DTNB: variants seen among roughly 807,000 people sequenced by gnomAD.
The protein encoded by DTNB is DTN-B.
DTNB carries 63 observed loss-of-function variants against 90.7 expected under a neutral mutation model. The ratio of observed to expected loss-of-function variants is 0.69; its 90% CI spans 0.57 to 0.86. The LOEUF is 0.86. Ranked by LOEUF, DTNB falls within the 40% of genes least tolerant of loss-of-function variation. DTNB has a pLI of 0.00. For missense variants in DTNB, 744 were observed against 807.1 expected, an observed-to-expected ratio of 0.92 and a Z score of 0.95; for synonymous variants, 277 against 286.7, an observed-to-expected ratio of 0.97 and a Z score of 0.34.
chr2:25,388,339 T>C lies in DTNB; in HGVS notation c.1598A>G (p.His533Arg). 2 of 1,611,744 alleles carry C rather than the reference T, an allele frequency of 1.2e-6. No individual in the cohort carries two copies. Among genetic ancestry groups the C allele is most frequent in the Non-Finnish European group, 8.5e-7 (1 of 1,178,272 alleles). Residue 533 changes from histidine (H) to arginine (R), a missense_variant, in exon 17 of 21, where the codon CAT becomes CGT. Physicochemically the swap from His to Arg is conservative, Grantham distance 29 (BLOSUM62 0). Transcript: ENST00000406818. ...GCCGCCTCCATGGGTGGGCGATGTA[T>C]GTGGTGACCCTGTGGCCTGAGCCTG... is the stretch of plus-strand genomic sequence containing the variant. ...KQAAQATGSP[H>R]TSPTHGGGRP...
chr2:25,613,489 C>T lies in DTNB; in HGVS notation c.363-6168G>A, dbSNP rs1347370154. On this transcript the variant is annotated intron_variant, in intron 4 of 20. Coordinates refer to ENST00000406818, the MANE Select transcript of DTNB (RefSeq NM_021907.5). ...TTTAGCTCCCACTTATAAATGAGAA[C>T]ATGTCGGTATTTGGTTTTCTGTTCC... is the stretch of plus-strand genomic sequence containing the variant. Among the ~76,000 whole-genome samples, 3 of 152,216 alleles carry T rather than the reference C, an allele frequency of 2.0e-5. No homozygotes were observed. In the East Asian group the frequency reaches 5.8e-4, roughly 29 times the overall value.
chr2:25,565,184 G>A (rs2058832397), intron 8 of DTNB, among the ~76,000 whole-genome samples: 1 of 152,018 alleles, frequency 6.6e-6, no homozygotes, highest in South Asian at 2.1e-4. Context: ...TCTTTTTCCT[G>A]GTTTTAGGGG....
intron 9 of DTNB, among the ~76,000 whole-genome samples, chr2:25,498,047 C>T (rs978847472): frequency 6.6e-6 from 1 of 152,124 alleles, no homozygotes. Flanking sequence ...GCAGGCACTG[C>T]CCAGACAGCA....
At chr2:25,652,517 A>T in intron 2 of DTNB, 77 bp downstream of exon 2, 1 of 1,422,486 alleles carries the variant, frequency 7.0e-7, no homozygotes, top group Non-Finnish European at 9.5e-7. Context: ...AACTGATTAA[A>T]GCTATGACTT....
intron 15 of DTNB, 44 bp downstream of exon 15, chr2:25,427,491 G>C: frequency 6.3e-7 from 1 of 1,588,520 alleles, no homozygotes; most frequent in Non-Finnish European, 8.6e-7. Context: ...AGGCTGTGGT[G>C]GGAGAAGAAT....
At chr2:25,442,937 C>T (rs535782108) in intron 12 of DTNB, among the ~76,000 whole-genome samples, 34 of 152,238 alleles carry the variant, frequency 2.2e-4, no homozygotes, top group Non-Finnish European at 3.1e-4. Context: ...AGATGGCTCT[C>T]GAAATGGTAG....
chr2:25,471,026 ACAGCTCACTGTCT>A (rs1394582297), intron 10 of DTNB, among the ~76,000 whole-genome samples: 1 of 152,264 alleles, frequency 6.6e-6, no homozygotes, highest in Non-Finnish European at 1.5e-5. Flanking sequence ...CATCCTTCCA[ACAGCTCACTGTCT>A]CATAGGTTGT....
chr2:25,554,174 A>G (rs1461261682), intron 8 of DTNB, among the ~76,000 whole-genome samples: 7 of 152,232 alleles, frequency 4.6e-5, no homozygotes, highest in Non-Finnish European at 1.0e-4. Flanking sequence ...CCAAAGTTCA[A>G]GGCCAAGCTT....
chr2:25,626,731 C>T (rs988355908), intron 4 of DTNB, among the ~76,000 whole-genome samples: 46 of 152,176 alleles, frequency 3.0e-4, no homozygotes, highest in African/African-American at 1.1e-3. Flanking sequence ...CATAGTGTTA[C>T]CACTAATTCA....
At chr2:25,559,207 C>G (rs1041276635) in intron 8 of DTNB, among the ~76,000 whole-genome samples, 3 of 152,184 alleles carry the variant, frequency 2.0e-5, no homozygotes, top group Admixed American at 6.5e-5. Context: ...CAATCCTCAA[C>G]TCTCAAAACC....
intron 1 of DTNB, among the ~76,000 whole-genome samples, chr2:25,659,543 T>C (rs1034521774): frequency 4.6e-5 from 7 of 151,334 alleles, no homozygotes; most frequent in African/African-American, 1.7e-4. Flanking sequence ...AAATTATCAA[T>C]ATTACTAATG....
At chr2:25,648,388 C>T (rs766106176) in intron 2 of DTNB, among the ~76,000 whole-genome samples, 2 of 151,930 alleles carry the variant, frequency 1.3e-5, no homozygotes, top group Non-Finnish European at 2.9e-5. Flanking sequence ...GTGTTCATAA[C>T]AGAAAATGTA....
chr2:25,583,102 C>T (rs1261078487), intron 6 of DTNB, among the ~76,000 whole-genome samples: 1 of 151,874 alleles, frequency 6.6e-6, no homozygotes, highest in Non-Finnish European at 1.5e-5. Context: ...CAAAAATGAT[C>T]TGGGTGTGGT....
chr2:25,616,629 G>GGAAAAAAAAAAAAAA (rs2070616096), intron 4 of DTNB, among the ~76,000 whole-genome samples: 1 of 5,788 alleles, frequency 1.7e-4, no homozygotes, highest in African/African-American at 4.3e-4. Context: ...GCTATTTATA[G>GGAAAAAAAAAAAAAA]TAAAAAAAAA....
chr2:25,555,891 G>C (rs562743527), intron 8 of DTNB, among the ~76,000 whole-genome samples: 2 of 152,140 alleles, frequency 1.3e-5, no homozygotes, highest in African/African-American at 2.4e-5. Flanking sequence ...ATGGTGGCGT[G>C]TGCCTGTAAT....
intron 18 of DTNB, 70 bp from the exon 19 acceptor site, chr2:25,383,959 A>G (rs750294877): frequency 2.5e-6 from 4 of 1,611,612 alleles, no homozygotes; most frequent in Admixed American, 1.7e-5. Context: ...GGGTGAACAA[A>G]GCAACTGCTG....
chr2:25,508,909 C>T lies in DTNB; in HGVS notation c.1001+22564G>A, dbSNP rs144490282. Among the ~76,000 whole-genome samples, 442 of 152,268 alleles carry T rather than the reference C, an allele frequency of 2.9e-3. 4 individuals are homozygous for T. Among genetic ancestry groups the T allele is most frequent in the Middle Eastern group, 0.02 (6 of 294 alleles). On this transcript the variant is annotated intron_variant, in intron 9 of 20. Coordinates refer to ENST00000406818, the MANE Select transcript of DTNB (RefSeq NM_021907.5). ...ACATATTTCATTATATGTATTCCTA[C>T]GTTATGTTTCTCAATGCTATTATAA...
rs758204417 is a variant in DTNB at position 25,531,437 on chromosome 2, A to C, written c.1001+36T>G. The C allele has an allele frequency of 1.8e-5, 28 of 1,590,374 alleles. No homozygotes were observed. In the African/African-American group the frequency reaches 2.3e-4, roughly 13 times the overall value. On this transcript the variant is annotated intron_variant, in intron 9 of 20. Transcript: ENST00000406818. Reference sequence around the variant, plus strand: ...AGGAATTTCACAAGGCCCCCATTTCAGTGTGATCCACATGCACATCCAGGG... The same window carrying C: ...AGGAATTTCACAAGGCCCCCATTTCCGTGTGATCCACATGCACATCCAGGG...
chr2:25,541,526 A>G (rs1490844639), intron 8 of DTNB, among the ~76,000 whole-genome samples: 1 of 152,062 alleles, frequency 6.6e-6, no homozygotes, highest in African/African-American at 2.4e-5. Context: ...ATAAACAAGT[A>G]CAGTTCAGTA....
Sources: gnomAD v4.1 joint callset for allele counts (sites outside exome capture counted in the v4.1 genomes callset) on GRCh38, gnomAD v4.1.1 for gene constraint, MANE v1.5 for transcripts, NCBI Gene and HGNC (gene_info 2026-07-23, HGNC 2026-07-21) for gene names.